The following EFNA5 variants were observed in gnomAD, a reference collection of about 807,000 sequenced individuals.
EFNA5 encodes the protein ephrin A5, also known as ephrin-A5.
In EFNA5, 5 loss-of-function variants were observed where a neutral mutation model predicts 22.9. The ratio of observed to expected loss-of-function variants is 0.22; its 90% CI spans 0.11 to 0.46. The LOEUF is 0.46. Ranked by LOEUF, EFNA5 falls within the 20% of genes least tolerant of loss-of-function variation. The pLI is 0.99. For missense variants in EFNA5, 237 were observed against 293.3 expected (o/e 0.81, Z 1.40); for synonymous variants, 113 against 112.2 (o/e 1.01, Z -0.04).
At chr5:107,495,270 C>T (rs1474390475) in intron 1 of EFNA5, among the ~76,000 whole-genome samples, 1 of 152,174 alleles carries the variant, frequency 6.6e-6, no homozygotes, top group African/African-American at 2.4e-5. Context: ...CAGGAGCCCA[C>T]CGGGAGGAAC....
chr5:107,549,700 G>C (rs535701806), intron 1 of EFNA5, among the ~76,000 whole-genome samples: 3 of 152,376 alleles, frequency 2.0e-5, no homozygotes, highest in Admixed American at 1.3e-4. Context: ...AGAAGGGCCA[G>C]TCCTCTGATG....
intron 1 of EFNA5, among the ~76,000 whole-genome samples, chr5:107,544,523 G>C (rs1748110109): frequency 6.6e-6 from 1 of 152,130 alleles, no homozygotes; most frequent in South Asian, 2.1e-4. Context: ...ACAAAACTCT[G>C]AACTTCAAAT....
chr5:107,514,462 A>G (rs1747435532), intron 1 of EFNA5, among the ~76,000 whole-genome samples: 1 of 152,186 alleles, frequency 6.6e-6, no homozygotes, highest in South Asian at 2.1e-4. Flanking sequence ...CAGAGAACAC[A>G]TCATCCCACC....
intron 1 of EFNA5, among the ~76,000 whole-genome samples, chr5:107,472,184 G>A (rs1234069890): frequency 6.6e-6 from 1 of 152,078 alleles, no homozygotes; most frequent in Non-Finnish European, 1.5e-5. Context: ...TACAATGCTT[G>A]GGGGCTAATT....
intron 1 of EFNA5, among the ~76,000 whole-genome samples, chr5:107,463,848 G>A (rs1749901850): frequency 6.6e-6 from 1 of 152,120 alleles, no homozygotes; most frequent in Non-Finnish European, 1.5e-5. Flanking sequence ...AGGACAATTT[G>A]AAGTTTCTAA....
chr5:107,521,474 ATAT>A (rs540315565), intron 1 of EFNA5, among the ~76,000 whole-genome samples: 7,995 of 127,962 alleles, frequency 0.062, 666 homozygotes, highest in African/African-American at 0.23. Flanking sequence ...ATATATATAT[ATAT>A]TTTTTTTTTT....
At chr5:107,617,233 CACACAG>C (rs1385321337) in intron 1 of EFNA5, among the ~76,000 whole-genome samples, 3 of 149,180 alleles carry the variant, frequency 2.0e-5, no homozygotes, top group African/African-American at 5.0e-5. Flanking sequence ...CACACACACA[CACACAG>C]AGAGAGAGAG....
At chr5:107,659,383 ATGAC>A (rs1750895903) in intron 1 of EFNA5, among the ~76,000 whole-genome samples, 1 of 152,006 alleles carries the variant, frequency 6.6e-6, no homozygotes, top group Admixed American at 6.6e-5. Context: ...GATGGCGTGG[ATGAC>A]TGAAATCCAA....
rs539386177 is a variant in EFNA5 at position 107,466,514 on chromosome 5, C to T, written c.126-39005G>A. Among the ~76,000 whole-genome samples the T allele has an allele frequency of 3.3e-5, 5 of 152,238 alleles. No homozygotes were observed. The South Asian group carries it at 6.2e-4, about 19-fold the overall frequency. ...GCACAGGAGAACAAGGCTGATGTCA[C>T]GGGGCCAAATCTGGGTGAATGGAAT... On this transcript the variant is annotated intron_variant, in intron 1 of 4. Coordinates refer to ENST00000333274, the MANE Select transcript of EFNA5 (RefSeq NM_001962.3).
intron 1 of EFNA5, among the ~76,000 whole-genome samples, chr5:107,473,659 A>ATT (rs564376165): frequency 0.085 from 11,979 of 140,842 alleles, 1,049 homozygotes; most frequent in Admixed American, 0.23. Flanking sequence ...TTTCACTTGA[A>ATT]TTTTTTTTTT....
intron 1 of EFNA5, among the ~76,000 whole-genome samples, chr5:107,574,318 A>G (rs2112489391): frequency 6.6e-6 from 1 of 152,262 alleles, no homozygotes; most frequent in South Asian, 2.1e-4. Flanking sequence ...GGGAGTACTC[A>G]GTGTCTTTCT....
chr5:107,410,735 C>A (rs1198505898), intron 2 of EFNA5, among the ~76,000 whole-genome samples: 1 of 152,150 alleles, frequency 6.6e-6, no homozygotes, highest in Non-Finnish European at 1.5e-5. Flanking sequence ...TAATAATTTT[C>A]TTGTTCCTTG....
At chr5:107,647,535 TAA>T (rs1244642800) in intron 1 of EFNA5, among the ~76,000 whole-genome samples, 1 of 152,160 alleles carries the variant, frequency 6.6e-6, no homozygotes, top group Admixed American at 6.6e-5. Flanking sequence ...TACAGAATTA[TAA>T]AATAATGGAG....
intron 1 of EFNA5, among the ~76,000 whole-genome samples, chr5:107,471,478 G>T (rs374028485): frequency 6.6e-6 from 1 of 152,204 alleles, no homozygotes; most frequent in Middle Eastern, 3.4e-3. Context: ...CTGAGACATG[G>T]TCCCAGTAAC....
chr5:107,459,798 C>G (rs954614745), intron 1 of EFNA5, among the ~76,000 whole-genome samples: 1 of 152,078 alleles, frequency 6.6e-6, no homozygotes, highest in Non-Finnish European at 1.5e-5. Flanking sequence ...GGGGCAGCAC[C>G]ACCTGGAATC....
chr5:107,634,726 A>G (rs1478269653), intron 1 of EFNA5, among the ~76,000 whole-genome samples: 3 of 138,422 alleles, frequency 2.2e-5, no homozygotes, highest in African/African-American at 7.5e-5. Flanking sequence ...AAATAATGAC[A>G]GTATTTCAAA....
intron 1 of EFNA5, among the ~76,000 whole-genome samples, chr5:107,655,069 TTAAC>T (rs1319077766): frequency 6.6e-6 from 1 of 152,082 alleles, no homozygotes; most frequent in Non-Finnish European, 1.5e-5. Flanking sequence ...CTGATATTCT[TTAAC>T]TGATGTACAA....
At chr5:107,549,154 C>G (rs781732292) in intron 1 of EFNA5, among the ~76,000 whole-genome samples, 2 of 152,074 alleles carry the variant, frequency 1.3e-5, no homozygotes, top group Non-Finnish European at 2.9e-5. Context: ...TGACACATTT[C>G]AGAGTAAGAA....
intron 1 of EFNA5, among the ~76,000 whole-genome samples, chr5:107,571,788 G>A (rs1748812865): frequency 6.6e-6 from 1 of 152,086 alleles, no homozygotes. Context: ...TATGAAACAG[G>A]TTTTTCCTTT....
Sources: allele counts gnomAD v4.1 joint callset (sites outside exome capture counted in the v4.1 genomes callset), GRCh38; gene constraint gnomAD v4.1.1; transcripts MANE v1.5; gene names NCBI Gene and HGNC (gene_info 2026-07-23, HGNC 2026-07-21).